ANO7: variants seen among roughly 807,000 people sequenced by gnomAD.
ANO7 encodes anoctamin 7, also known as anoctamin-7.
A neutral mutation model predicts 115.8 loss-of-function variants in ANO7; 114 were observed. The observed-to-expected ratio is 0.98, with a 90% confidence interval of 0.85 to 1.15. The LOEUF (loss-of-function observed/expected upper bound fraction) is 1.15, where lower values mean the gene tolerates loss of function less well. ANO7 is among the 50% of genes most tolerant of loss of function. The probability of loss-of-function intolerance (pLI) is 0.00; values close to 1 mark genes in which losing one functional copy is unlikely to be tolerated. For missense variants in ANO7, 1,302 were observed against 1,201.2 expected (o/e 1.08, Z -1.24); for synonymous variants, 550 against 498.2 (o/e 1.10, Z -1.38).
At chr2:241,238,249 C>T in the ANO7 span, 3 of 155,384 alleles carry the variant, frequency 1.9e-5, no homozygotes, top group African/African-American at 7.2e-5. This position sits in a 1 kb window ranked among gnomAD's most constrained non-coding sequence, Gnocchi z 4.9. Context: ...CAGCCAGAGG[C>T]TGCAGCTGCC....
intron 21 of ANO7, 57 bp from the exon 22 acceptor site, chr2:241,223,129 C>T (rs1369229266): frequency 1.3e-6 from 2 of 1,513,752 alleles, no homozygotes; most frequent in East Asian, 2.3e-5. Flanking sequence ...TCCAGAGGCA[C>T]CTGCCCAGCC....
Position 241,225,042 on chromosome 2 carries a change from T to C in ANO7, c.*889T>C, listed in dbSNP as rs1453771301. ...GAAGTTTGTGTTCATACATAATTGT[T>C]TTCCACGCTGGATCATAATGTGACG... On this transcript the variant is annotated 3_prime_UTR_variant, in exon 25 of 25. Transcript: ENST00000674324. 1 of 152,236 alleles carries C rather than the reference T, an allele frequency of 6.6e-6. No homozygotes were observed. Among genetic ancestry groups the C allele is most frequent in the East Asian group, 1.9e-4 (1 of 5,190 alleles). 9.4% of individuals were successfully genotyped at this position (152,236 alleles called of 1,614,324 possible).
At chr2:241,196,109 A>C in intron 4 of ANO7, 1 of 1,390,126 alleles carries the variant, frequency 7.2e-7, no homozygotes, top group East Asian at 2.6e-5. Flanking sequence ...GAAAACTCTG[A>C]CACTACCTTT....
downstream of ANO7, chr2:241,229,783 T>TTGG: frequency 2.0e-6 from 3 of 1,524,626 alleles, no homozygotes; most frequent in Non-Finnish European, 2.7e-6. Flanking sequence ...CAAGCCCGCC[T>TTGG]GCCCGCCCAC....
chr2:241,236,783 G>T, the ANO7 span: 1 of 1,613,118 alleles, frequency 6.2e-7, no homozygotes, highest in Admixed American at 1.7e-5. Context: ...GAGAGAAAGG[G>T]GAAAAGGGAC....
At chr2:241,231,961 G>GC in the ANO7 span, among the ~76,000 whole-genome samples, 1 of 151,972 alleles carries the variant, frequency 6.6e-6, no homozygotes, top group African/African-American at 2.4e-5. Flanking sequence ...CCATCATCAC[G>GC]CAACAGGACT....
At chr2:241,202,790 C>A (rs2068503075) in intron 8 of ANO7, among the ~76,000 whole-genome samples, 1 of 152,234 alleles carries the variant, frequency 6.6e-6, no homozygotes, top group Admixed American at 6.5e-5. Context: ...AGCCTTCCCC[C>A]TTGGCCGAGC....
At chr2:241,196,015 G>C in intron 4 of ANO7, 170 bp downstream of exon 4, 2 of 1,487,494 alleles carry the variant, frequency 1.3e-6, no homozygotes, top group East Asian at 2.5e-5. Context: ...TGGCTAGGGA[G>C]CTGCTGTCCA....
intron 4 of ANO7, chr2:241,198,971 G>A: frequency 3.0e-6 from 1 of 331,094 alleles, no homozygotes; most frequent in Non-Finnish European, 5.8e-6. Flanking sequence ...TGGAGGCACT[G>A]CCCCTCAAGC....
chr2:241,201,422 A>G lies in ANO7; in HGVS notation c.612+67A>G, dbSNP rs2068469710. 8 of 1,542,328 alleles carry G rather than the reference A, an allele frequency of 5.2e-6. No homozygotes were observed. The South Asian group carries it at 9.5e-5, about 18-fold the overall frequency. ...GGCTCTGAGGATCCTGCCAGCCCCC[A>G]GCCTCCATGGATGCAGAAAGGCCTG... On this transcript the variant is annotated intron_variant, in intron 7 of 24. Coordinates refer to ENST00000674324, the MANE Select transcript of ANO7 (RefSeq NM_001370694.2).
the ANO7 span, chr2:241,231,139 C>G: frequency 3.7e-6 from 2 of 543,778 alleles, no homozygotes; most frequent in South Asian, 4.5e-5. Context: ...AATCCCAGCA[C>G]TTTGGGAGGC....
intron 17 of ANO7, among the ~76,000 whole-genome samples, chr2:241,214,224 G>A (rs1169922019): frequency 6.6e-6 from 1 of 152,256 alleles, no homozygotes; most frequent in Non-Finnish European, 1.5e-5. Context: ...GGTGGAGGCT[G>A]CAGGGAGTTT....
chr2:241,202,502 C>T (rs1265086899), intron 8 of ANO7, among the ~76,000 whole-genome samples, 198 bp downstream of exon 8: 1 of 152,204 alleles, frequency 6.6e-6, no homozygotes, highest in Non-Finnish European at 1.5e-5. Context: ...AGGTCCGGCT[C>T]TGCGGGGACT....
intron 19 of ANO7, among the ~76,000 whole-genome samples, chr2:241,217,159 C>A (rs1430266074): frequency 1.3e-5 from 2 of 152,302 alleles, no homozygotes; most frequent in East Asian, 3.9e-4. Context: ...AGCAAGCGGG[C>A]ATGTGAGCCG....
At chr2:241,205,553 C>A (rs1430957574) in intron 10 of ANO7, among the ~76,000 whole-genome samples, 1 of 118,160 alleles carries the variant, frequency 8.5e-6, no homozygotes, top group Non-Finnish European at 1.7e-5. Context: ...CACAGGTGGA[C>A]AGGAGTGCTC....
downstream of ANO7, chr2:241,229,382 T>G: frequency 4.1e-6 from 2 of 487,982 alleles, no homozygotes; most frequent in Non-Finnish European, 7.5e-6. Context: ...ATGACCTTGG[T>G]TTAGTGTTAA....
rs113910413 is a variant in ANO7, at chr2:241,224,200, A to C, written c.*47A>C. 1.3e-4 allele frequency: 203 copies of C among 1,602,162 alleles called. No individual in the cohort carries two copies. The African/African-American group carries it at 2.3e-3, about 18-fold the overall frequency. ...GTCCTTAGGGGAGTGGCCCCTCCTG[A>C]GCCCTGCGAGCAGCGTCCTTTTCCT... On this transcript the variant is annotated 3_prime_UTR_variant, in exon 25 of 25. Coordinates refer to ENST00000674324, the MANE Select transcript of ANO7 (RefSeq NM_001370694.2).
intron 13 of ANO7, among the ~76,000 whole-genome samples, chr2:241,209,852 G>A (rs765937317): frequency 2.0e-5 from 3 of 152,174 alleles, no homozygotes; most frequent in Admixed American, 1.3e-4. Flanking sequence ...GGGTCTCCCC[G>A]TGGGTGCGGG....
chr2:241,210,654 A>G lies in ANO7; in HGVS notation c.1561+84A>G, dbSNP rs918685527. On this transcript the variant is annotated intron_variant, in intron 15 of 24. Transcript: ENST00000674324. Reference sequence around the variant, plus strand: ...CAGAACGTGACTTTCTCACTCACTGACACACATGGCCCTCATTTCTATTTC... The same window carrying G: ...CAGAACGTGACTTTCTCACTCACTGGCACACATGGCCCTCATTTCTATTTC... 9.3e-6 allele frequency: 10 copies of G among 1,070,140 alleles called. No individual in the cohort carries two copies. In the South Asian group the frequency reaches 1.3e-4, roughly 14 times the overall value. 66.3% of individuals were successfully genotyped at this position (1,070,140 alleles called of 1,614,324 possible).
Sources: gnomAD v4.1 joint callset for allele counts (sites outside exome capture counted in the v4.1 genomes callset) on GRCh38, gnomAD v4.1.1 for gene constraint, Gnocchi (gnomAD v3.1) non-coding constraint, MANE v1.5 for transcripts, NCBI Gene and HGNC (gene_info 2026-07-23, HGNC 2026-07-21) for gene names.